PPP1R13B: variants seen among roughly 807,000 people sequenced by gnomAD.
PPP1R13B encodes the protein protein phosphatase 1 regulatory subunit 13B, also known as apoptosis-stimulating of p53 protein 1.
PPP1R13B carries 44 observed loss-of-function variants against 119.8 expected under a neutral mutation model. The ratio of observed to expected loss-of-function variants is 0.37; its 90% confidence interval spans 0.29 to 0.47. The LOEUF (loss-of-function observed/expected upper bound fraction) is 0.47. Among genes scored for constraint, PPP1R13B ranks in the 20% least tolerant of loss-of-function variants. The probability of loss-of-function intolerance (pLI) is 0.99; values close to 1 mark genes in which losing one functional copy is unlikely to be tolerated. For synonymous variants in PPP1R13B, 542 were observed against 561.5 expected (o/e 0.97, Z 0.49); for missense variants, 1,227 against 1,413.5 (o/e 0.87, Z 2.12).
chr14:103,745,790 GGT>G (rs1002552245), intron 9 of PPP1R13B, among the ~76,000 whole-genome samples: 1 of 152,100 alleles, frequency 6.6e-6, no homozygotes, highest in Non-Finnish European at 1.5e-5. Context: ...GACACTCGTG[GGT>G]CAGTTTTTTT....
chr14:103,781,678 G>T (rs576246450), intron 3 of PPP1R13B, among the ~76,000 whole-genome samples: 8 of 152,080 alleles, frequency 5.3e-5, no homozygotes, highest in Non-Finnish European at 8.8e-5. Context: ...TTGAAACACA[G>T]TCTCGCTCTG....
chr14:103,824,234 C>T (rs1207973820), intron 1 of PPP1R13B, among the ~76,000 whole-genome samples: 4 of 150,054 alleles, frequency 2.7e-5, no homozygotes, highest in South Asian at 2.1e-4. Flanking sequence ...TTAGTAGAGA[C>T]GGGATTTCAC....
At chr14:103,767,731 A>C (rs2084969034) in intron 4 of PPP1R13B, among the ~76,000 whole-genome samples, 3 of 151,992 alleles carry the variant, frequency 2.0e-5, no homozygotes, top group Admixed American at 2.0e-4. Context: ...GCCTGTCCCT[A>C]CACTTCATGC....
chr14:103,826,263 C>T (rs1476779513), intron 1 of PPP1R13B, among the ~76,000 whole-genome samples: 1 of 152,130 alleles, frequency 6.6e-6, no homozygotes, highest in Non-Finnish European at 1.5e-5. Flanking sequence ...TAGTCTGGAA[C>T]CAAACTCGCA....
chr14:103,746,382 A>G lies in PPP1R13B; in HGVS notation c.1141T>C (p.Ser381Pro), dbSNP rs765164109. ...SIASNAAHGRSKSANDGNWPT... is the reference protein window; with the variant it reads ...SIASNAAHGRPKSANDGNWPT... ...GGCCAGGACCACTCACCGGATTTGG[A>G]TCTTCCATGAGCAGCATTTGAGGCA... Residue 381 changes from serine to proline, a missense_variant, in exon 9 of 17, where the codon TCC becomes CCC. Ser to Pro is a moderately conservative substitution (Grantham distance 74). Transcript: ENST00000202556. The G allele has an allele frequency of 6.9e-6, 11 of 1,585,972 alleles. No individual in the cohort carries two copies. Among genetic ancestry groups the G allele is most frequent in the Non-Finnish European group, 8.6e-6 (10 of 1,165,160 alleles).
At chr14:103,841,442 T>C (rs1011878593) in intron 1 of PPP1R13B, among the ~76,000 whole-genome samples, 3 of 151,684 alleles carry the variant, frequency 2.0e-5, no homozygotes, top group African/African-American at 7.3e-5. Context: ...ACAAAAAAAT[T>C]AGCCAGGCAT....
At chr14:103,847,581 C>T (rs548726136), upstream of PPP1R13B, 195 of 986,326 alleles carry the variant, frequency 2.0e-4, 1 homozygote, top group African/African-American at 3.3e-3. Flanking sequence ...AGCCTGCGGC[C>T]CGCCCGCCCG....
intron 2 of PPP1R13B, among the ~76,000 whole-genome samples, chr14:103,789,580 T>C (rs565329507): frequency 1.3e-5 from 2 of 149,560 alleles, no homozygotes; most frequent in African/African-American, 4.9e-5. Flanking sequence ...AGTGGCGCCA[T>C]CTTGGCTTAT....
At chr14:103,831,376 C>G (rs2086661299) in intron 1 of PPP1R13B, among the ~76,000 whole-genome samples, 1 of 148,684 alleles carries the variant, frequency 6.7e-6, no homozygotes, top group African/African-American at 2.5e-5. Context: ...GTGGTGCGAT[C>G]TCAGCTCACT....
intron 1 of PPP1R13B, among the ~76,000 whole-genome samples, chr14:103,816,286 T>C (rs1342603495): frequency 1.3e-5 from 2 of 150,842 alleles, no homozygotes; most frequent in Non-Finnish European, 3.0e-5. Context: ...GCCTCTCAAG[T>C]AGCTGGGAAT....
intron 4 of PPP1R13B, among the ~76,000 whole-genome samples, chr14:103,768,483 G>A (rs542422219): frequency 6.6e-6 from 1 of 152,174 alleles, no homozygotes; most frequent in African/African-American, 2.4e-5. Flanking sequence ...TATTTTAGTA[G>A]AGACAGGGTT....
chr14:103,816,305 G>A (rs61017619), intron 1 of PPP1R13B, among the ~76,000 whole-genome samples: 1 of 150,760 alleles, frequency 6.6e-6, no homozygotes, highest in African/African-American at 2.4e-5. Flanking sequence ...ATACAGGTGC[G>A]TGCCACCACC....
chr14:103,834,400 G>A (rs1184260413), intron 1 of PPP1R13B, among the ~76,000 whole-genome samples: 1 of 151,852 alleles, frequency 6.6e-6, no homozygotes, highest in Non-Finnish European at 1.5e-5. Context: ...ACTACAAAGA[G>A]GAATAAAGCA....
chr14:103,812,338 C>T (rs1398975594), intron 1 of PPP1R13B, among the ~76,000 whole-genome samples: 1 of 151,846 alleles, frequency 6.6e-6, no homozygotes, highest in Non-Finnish European at 1.5e-5. Context: ...ATTGGCCAGG[C>T]TGGTCTCGAA....
intron 1 of PPP1R13B, among the ~76,000 whole-genome samples, chr14:103,822,685 C>T (rs1283874092): frequency 5.9e-5 from 9 of 151,914 alleles, no homozygotes; most frequent in Non-Finnish European, 1.2e-4. Flanking sequence ...TGGTGGCGCA[C>T]GCCTGTAATC....
intron 4 of PPP1R13B, among the ~76,000 whole-genome samples, chr14:103,760,292 A>G (rs1329987041): frequency 6.6e-6 from 1 of 152,192 alleles, no homozygotes; most frequent in Non-Finnish European, 1.5e-5. Flanking sequence ...ATCCCTACTT[A>G]CAATTTTAAA....
chr14:103,797,768 A>G (rs61995811), intron 1 of PPP1R13B, among the ~76,000 whole-genome samples: 1,844 of 152,068 alleles, frequency 0.012, 11 homozygotes, highest in Non-Finnish European at 0.016. Flanking sequence ...TCAAAACAAC[A>G]TGACAGCAGT....
At chr14:103,754,561 C>CAAAAAAAAAAAAAAAAAAA (rs771794623) in intron 5 of PPP1R13B, among the ~76,000 whole-genome samples, 1 of 41,016 alleles carries the variant, frequency 2.4e-5, no homozygotes, top group Non-Finnish European at 4.4e-5. Context: ...GACTCAGTCT[C>CAAAAAAAAAAAAAAAAAAA]AAAAAAAAAA....
chr14:103,824,875 A>C (rs573621569), intron 1 of PPP1R13B, among the ~76,000 whole-genome samples: 1 of 152,306 alleles, frequency 6.6e-6, no homozygotes, highest in Non-Finnish European at 1.5e-5. Flanking sequence ...TCAGAGCACA[A>C]ATATATTTGT....
Sources: gnomAD v4.1 joint callset for allele counts (sites outside exome capture counted in the v4.1 genomes callset) on GRCh38, gnomAD v4.1.1 for gene constraint, MANE v1.5 for transcripts, NCBI Gene and HGNC (gene_info 2026-07-23, HGNC 2026-07-21) for gene names.